Variants in SPG11 observed in about 807,000 individuals in gnomAD.
SPG11 encodes SPG11 vesicle trafficking associated, spatacsin.
In SPG11, 222 loss-of-function variants were observed where a neutral mutation model predicts 274.0. The observed-to-expected ratio is 0.81, with a 90% CI of 0.73 to 0.91. SPG11 has a LOEUF of 0.91. Ranked by LOEUF, SPG11 falls within the 40% of genes least tolerant of loss-of-function variation. SPG11 has a pLI of 0.00. For synonymous variants in SPG11, 1,144 were observed against 1,039.7 expected, an observed-to-expected ratio of 1.10 and a Z score of -1.93; for missense variants, 3,114 against 2,872.7, an observed-to-expected ratio of 1.08 and a Z score of -1.92.
intron 26 of SPG11, among the ~76,000 whole-genome samples, chr15:44,592,692 T>C (rs1595855523): frequency 1.3e-5 from 2 of 151,972 alleles, no homozygotes; most frequent in East Asian, 1.9e-4. Context: ...TGGTGGTGCA[T>C]GCCTGCAATC....
Position 44,659,785 on chromosome 15 carries a change from CA to C in SPG11, c.443-483del, listed in dbSNP as rs1478502470. Among the ~76,000 whole-genome samples the C allele has an allele frequency of 3.9e-5, 6 of 152,230 alleles. No homozygotes were observed. The East Asian group carries it at 9.6e-4, about 24-fold the overall frequency. ...ACATACATGACTTAAAATTTTCTAG[CA>C]GGGGTGGCTCACACCTGTAATCCCA... On this transcript the variant is annotated intron_variant, in intron 2 of 39. Coordinates refer to ENST00000261866, the MANE Select transcript of SPG11 (RefSeq NM_025137.4).
At chr15:44,587,976 C>A (rs2082810693) in intron 28 of SPG11, among the ~76,000 whole-genome samples, 1 of 152,050 alleles carries the variant, frequency 6.6e-6, no homozygotes, top group Non-Finnish European at 1.5e-5. Flanking sequence ...CTGGTAAGTG[C>A]CATCTTATAT....
At chr15:44,617,846 T>A (rs1264788117) in intron 15 of SPG11, among the ~76,000 whole-genome samples, 1 of 152,064 alleles carries the variant, frequency 6.6e-6, no homozygotes. Flanking sequence ...CAGCTAATTT[T>A]TGTATTTTTA....
chr15:44,593,928 T>TC, intron 26 of SPG11, among the ~76,000 whole-genome samples: 1 of 149,672 alleles, frequency 6.7e-6, no homozygotes. Flanking sequence ...TTTTTTCTTT[T>TC]CTTTTTTTTT....
chr15:44,589,493 T>G, intron 27 of SPG11, 79 bp from the exon 28 acceptor site: 6 of 1,556,474 alleles, frequency 3.9e-6, no homozygotes, highest in Non-Finnish European at 5.3e-6. Flanking sequence ...TGGGAACCTC[T>G]AAGAAAGCTA....
At chr15:44,635,615 A>G (rs1254791254) in intron 7 of SPG11, among the ~76,000 whole-genome samples, 4 of 150,676 alleles carry the variant, frequency 2.7e-5, no homozygotes, top group East Asian at 1.9e-4. Context: ...AAAAAAAAAA[A>G]AAAAAGAAAA....
chr15:44,573,496 G>C, intron 32 of SPG11, 51 bp downstream of exon 32: 2 of 1,590,214 alleles, frequency 1.3e-6, no homozygotes, highest in Non-Finnish European at 8.6e-7. Flanking sequence ...TTAACACTGG[G>C]AACTAGAGAA....
chr15:44,591,553 T>G (rs1418851211), intron 27 of SPG11, among the ~76,000 whole-genome samples: 1 of 152,196 alleles, frequency 6.6e-6, no homozygotes, highest in African/African-American at 2.4e-5. Flanking sequence ...GGTAGCCAAC[T>G]GGCCATAGGG....
At chr15:44,659,032 GTTC>G (rs1295871310) in intron 3 of SPG11, 44 bp downstream of exon 3, 2 of 1,572,132 alleles carry the variant, frequency 1.3e-6, no homozygotes, top group South Asian at 1.1e-5. Context: ...CTTTATAGGT[GTTC>G]TTCTCCTCTA....
In SPG11 at chr15:44,566,886, A is replaced by C. The variant is rs375982073; in HGVS notation, c.6754+538T>G. Among the ~76,000 whole-genome samples, 12 of 151,922 alleles carry C rather than the reference A, an allele frequency of 7.9e-5. No individual in the cohort carries two copies. In the South Asian group the frequency reaches 1.2e-3, roughly 16 times the overall value. On this transcript the variant is annotated intron_variant, in intron 36 of 39. Coordinates refer to ENST00000261866, the MANE Select transcript of SPG11 (RefSeq NM_025137.4). ...GGCTATTTTTTTTTTGTATTTTAGT[A>C]GAGACAGGATTGCACCATGTTGCCC... is the stretch of plus-strand genomic sequence containing the variant.
At position 44,651,534 on chromosome 15, in the gene SPG11, A is replaced by G. The variant is rs757221330; in HGVS notation, c.1413T>C (p.Pro471=). The part of the protein sequence containing the change: ...QCFSLGTKCI[P]VDSSGDQQLC... ...GCTGCTGGTCTCCACTACTGTCTAC[A>G]GGAATACACTTTGTGCCAAGGGAAA... The change falls in exon 6 of 40, where the codon CCT becomes CCC. Residue 471 remains proline, a synonymous_variant. Transcript: ENST00000261866. The G allele has an allele frequency of 6.2e-7, 1 of 1,614,176 alleles. No individual in the cohort carries two copies. Among genetic ancestry groups the G allele is most frequent in the Admixed American group, 1.7e-5 (1 of 60,018 alleles).
Position 44,657,080 on chromosome 15 carries a change from C to T in SPG11, c.869+15G>A. On this transcript the variant is annotated intron_variant, in intron 4 of 39. Coordinates refer to ENST00000261866, the MANE Select transcript of SPG11 (RefSeq NM_025137.4). The stretch of plus-strand genomic sequence containing the variant: ...ACTATTTACCTCAAATTAGAAACTG[C>T]AGTCATCTACATACCTGAAATACAA... The T allele has an allele frequency of 6.2e-7, 1 of 1,610,666 alleles. No homozygotes were observed. The highest frequency in any genetic ancestry group is 8.5e-7 in the Non-Finnish European group (1 of 1,177,788).
chr15:44,613,871 T>C (rs2083525014), intron 16 of SPG11, among the ~76,000 whole-genome samples: 1 of 152,188 alleles, frequency 6.6e-6, no homozygotes, highest in Admixed American at 6.5e-5. Context: ...TCAAACTTAA[T>C]AAGAGGCTTT....
intron 1 of SPG11, 58 bp from the exon 2 acceptor site, chr15:44,660,674 A>G (rs1202334875): frequency 1.3e-6 from 2 of 1,510,956 alleles, no homozygotes; most frequent in African/African-American, 1.4e-5. Flanking sequence ...TTTACCCACA[A>G]TGGTGGGGGT....
intron 35 of SPG11, among the ~76,000 whole-genome samples, chr15:44,569,175 A>G (rs902609605): frequency 5.3e-5 from 8 of 151,478 alleles, no homozygotes; most frequent in African/African-American, 1.9e-4. Context: ...AAAAAAAAAA[A>G]AAAGAAAAAG....
In SPG11 at chr15:44,651,714, T is replaced by C; in HGVS notation, c.1233A>G (p.Arg411=). Residue 411 remains arginine, a synonymous_variant, in exon 6 of 40, where the codon AGA becomes AGG. Coordinates refer to ENST00000261866, the MANE Select transcript of SPG11 (RefSeq NM_025137.4). ...CACTGATGTGCATTATTTTCCATGA[T>C]CTTCCTGGATCACTGGTCTTGGCAT... The part of the protein sequence containing the change: ...KDHAKTSDPG[R]SWKIMHISEQ... 8.7e-6 allele frequency: 14 copies of C among 1,614,210 alleles called. No individual in the cohort carries two copies. Among genetic ancestry groups the C allele is most frequent in the Non-Finnish European group, 1.2e-5 (14 of 1,180,022 alleles).
At chr15:44,615,017 G>C (rs769347108) in intron 16 of SPG11, among the ~76,000 whole-genome samples, 8 of 152,140 alleles carry the variant, frequency 5.3e-5, no homozygotes, top group Non-Finnish European at 1.2e-4. Flanking sequence ...AAGTTGCTTA[G>C]CATTCTCTTG....
intron 34 of SPG11, among the ~76,000 whole-genome samples, chr15:44,569,785 C>T (rs1353215590): frequency 3.3e-5 from 5 of 151,004 alleles, no homozygotes; most frequent in Non-Finnish European, 7.4e-5. Flanking sequence ...GGCACGACCT[C>T]GGCTCACTGC....
At chr15:44,628,548 A>T (rs2083966977) in intron 10 of SPG11, 121 bp downstream of exon 10, 1 of 970,842 alleles carries the variant, frequency 1.0e-6, no homozygotes, top group Admixed American at 1.8e-5. Context: ...GATAAAACCT[A>T]AAACCTTTGC....
Sources: gnomAD v4.1 joint callset for allele counts (sites outside exome capture counted in the v4.1 genomes callset) on GRCh38, gnomAD v4.1.1 for gene constraint, MANE v1.5 for transcripts, NCBI Gene and HGNC (gene_info 2026-07-23, HGNC 2026-07-21) for gene names.